DAGLA: variants seen among roughly 807,000 people sequenced by gnomAD.
DAGLA encodes the protein diacylglycerol lipase-alpha.
DAGLA carries 22 observed loss-of-function variants against 102.6 expected under a neutral mutation model. That is an observed-to-expected ratio of 0.21 (90% CI 0.15 to 0.31). DAGLA has a LOEUF of 0.31. Among genes scored for constraint, DAGLA ranks in the 10% least tolerant of loss-of-function variants. The probability of loss-of-function intolerance (pLI) is 1.00; values close to 1 mark genes in which losing one functional copy is unlikely to be tolerated. For missense variants in DAGLA, 927 were observed against 1,446.6 expected (o/e 0.64, Z 5.83); for synonymous variants, 578 against 628.9 (o/e 0.92, Z 1.21).
chr11:61,715,716 C>G (rs1400297770), intron 1 of DAGLA, among the ~76,000 whole-genome samples: 1 of 152,234 alleles, frequency 6.6e-6, no homozygotes, highest in East Asian at 1.9e-4. Context: ...CCTTCCAGAC[C>G]CCAGCACCCA....
chr11:61,704,899 C>T (rs1187821631), intron 1 of DAGLA, among the ~76,000 whole-genome samples: 1 of 152,116 alleles, frequency 6.6e-6, no homozygotes, highest in Non-Finnish European at 1.5e-5. Context: ...TGCCTCAAAC[C>T]CCCTCAAGCA....
At position 61,740,780 on chromosome 11, in the gene DAGLA, A is replaced by G. The variant is rs183275901; in HGVS notation, c.1983+188A>G. On this transcript the variant is annotated intron_variant, in intron 18 of 19. Transcript: ENST00000257215. ...TCACACCCCTGGCTCTGTCCACATC[A>G]CCACGTTGCCCCATGGTGGGGAGGA... Among the ~76,000 whole-genome samples the G allele has an allele frequency of 7.4e-4, 113 of 152,276 alleles. 1 individual carries two copies. Among genetic ancestry groups the G allele is most frequent in the African/African-American group, 2.6e-3 (108 of 41,566 alleles).
intron 1 of DAGLA, among the ~76,000 whole-genome samples, chr11:61,695,453 G>A (rs2065057557): frequency 6.6e-6 from 1 of 152,326 alleles, no homozygotes; most frequent in Admixed American, 6.5e-5. Flanking sequence ...AGGGCCTGCT[G>A]AGTCCAACCC....
chr11:61,719,768 C>T (rs935714895), intron 1 of DAGLA, among the ~76,000 whole-genome samples: 1 of 152,200 alleles, frequency 6.6e-6, no homozygotes, highest in Non-Finnish European at 1.5e-5. Context: ...GGTTTGAGGG[C>T]TGGGCTGAGG....
intron 6 of DAGLA, among the ~76,000 whole-genome samples, chr11:61,727,835 C>T (rs145955665): frequency 2.0e-5 from 3 of 152,320 alleles, no homozygotes; most frequent in African/African-American, 4.8e-5. Context: ...TTGATTCTAG[C>T]GTCTGGGAAA....
chr11:61,704,868 G>T (rs1185387139), intron 1 of DAGLA, among the ~76,000 whole-genome samples: 2 of 152,174 alleles, frequency 1.3e-5, no homozygotes, highest in Admixed American at 1.3e-4. Flanking sequence ...GAAGAGTGGG[G>T]AGCTGAATGT....
chr11:61,713,763 C>T (rs2065212929), intron 1 of DAGLA, among the ~76,000 whole-genome samples: 1 of 152,208 alleles, frequency 6.6e-6, no homozygotes, highest in Non-Finnish European at 1.5e-5. Flanking sequence ...TCCTGCGGGG[C>T]ACCACTGGGG....
At chr11:61,698,691 G>A (rs2065086067) in intron 1 of DAGLA, among the ~76,000 whole-genome samples, 1 of 152,184 alleles carries the variant, frequency 6.6e-6, no homozygotes, top group Non-Finnish European at 1.5e-5. Context: ...CTGGCCCGGG[G>A]GCCTTGTCTG....
chr11:61,717,126 G>A (rs968840531), intron 1 of DAGLA, among the ~76,000 whole-genome samples: 3 of 152,130 alleles, frequency 2.0e-5, no homozygotes, highest in Non-Finnish European at 4.4e-5. Context: ...AGGAGAGCCA[G>A]AAGAGGTGCT....
Position 61,744,555 on chromosome 11 carries a change from G to A in DAGLA, c.*66G>A. The A allele has an allele frequency of 7.2e-7, 1 of 1,383,486 alleles. No homozygotes were observed. The highest frequency in any genetic ancestry group is 9.8e-7 in the Non-Finnish European group (1 of 1,021,102). 85.7% of individuals were successfully genotyped at this position (1,383,486 alleles called of 1,614,324 possible). ...GTGGCCCTGTGGGCACCTGGTGCCT[G>A]CCCCCTGCCGGGCAGCTTTAAGGAC... On this transcript the variant is annotated 3_prime_UTR_variant, in exon 20 of 20. Transcript: ENST00000257215.
chr11:61,726,408 C>G (rs564814307), intron 6 of DAGLA, among the ~76,000 whole-genome samples: 1 of 152,386 alleles, frequency 6.6e-6, no homozygotes, highest in South Asian at 2.1e-4. Context: ...TAGCGTTTCA[C>G]CAGCAGCAAA....
At chr11:61,722,502 C>T (rs2065292616) in intron 3 of DAGLA, among the ~76,000 whole-genome samples, 1 of 152,220 alleles carries the variant, frequency 6.6e-6, no homozygotes, top group South Asian at 2.1e-4. Context: ...AGGAGAATCT[C>T]TTGAACCCAG....
chr11:61,744,097 T>G lies in DAGLA; in HGVS notation c.2737T>G (p.Phe913Val). The G allele has an allele frequency of 6.2e-7, 1 of 1,612,914 alleles. No individual in the cohort carries two copies. The highest frequency in any genetic ancestry group is 8.5e-7 in the Non-Finnish European group (1 of 1,179,972). The change falls in exon 20 of 20, where the codon TTC becomes GTC. Residue 913 changes from phenylalanine (F) to valine (V), a missense_variant. Physicochemically the swap from Phe to Val is conservative, Grantham distance 50. Transcript: ENST00000257215. ...GDSPSPQVLE[F>V]AEFIDSLFNL... ...CTCGCCCAGTCCTCAGGTGCTGGAA[T>G]TCGCCGAGTTCATCGACAGCCTCTT... is the stretch of plus-strand genomic sequence containing the variant.
chr11:61,740,312 A>G (rs745609036), intron 17 of DAGLA, 151 bp from the exon 18 acceptor site: 11 of 1,010,278 alleles, frequency 1.1e-5, no homozygotes, highest in Non-Finnish European at 1.3e-5. Context: ...GAGCCAGGCC[A>G]GGGAACAGAG....
chr11:61,737,119 T>C (rs1395070316), intron 13 of DAGLA, 63 bp from the exon 14 acceptor site: 2 of 1,605,078 alleles, frequency 1.2e-6, no homozygotes, highest in East Asian at 4.5e-5. Flanking sequence ...CTCCCTTGGG[T>C]TGGCTAAGAC....
At position 61,744,294 on chromosome 11, in the gene DAGLA, C is replaced by T. The variant is rs1478475860; in HGVS notation, c.2934C>T (p.Gly978=). The change falls in exon 20 of 20, where the codon GGC becomes GGT. Residue 978 remains glycine, a synonymous_variant. Transcript: ENST00000257215. ...LVPKPPRLFA[G]SADPSSGISL... ...CCAAGCCCCCACGGCTCTTTGCCGG[C>T]TCAGCCGACCCCTCCTCGGGCATCT... The T allele has an allele frequency of 6.2e-7, 1 of 1,612,814 alleles. No individual in the cohort carries two copies. Among genetic ancestry groups the T allele is most frequent in the East Asian group, 2.2e-5 (1 of 44,870 alleles).
chr11:61,717,545 G>C (rs2065245726), intron 1 of DAGLA, among the ~76,000 whole-genome samples: 1 of 152,236 alleles, frequency 6.6e-6, no homozygotes, highest in African/African-American at 2.4e-5. Flanking sequence ...TTAGGAGGTA[G>C]GGATAATCGA....
At chr11:61,691,948 G>T (rs1229696864) in intron 1 of DAGLA, among the ~76,000 whole-genome samples, 1 of 152,202 alleles carries the variant, frequency 6.6e-6, no homozygotes, top group African/African-American at 2.4e-5. Flanking sequence ...TCAGCATCGT[G>T]CTTCTTTGAT....
intron 3 of DAGLA, among the ~76,000 whole-genome samples, chr11:61,722,020 T>C (rs1230944878): frequency 1.3e-5 from 2 of 152,122 alleles, no homozygotes; most frequent in African/African-American, 4.8e-5. Flanking sequence ...TCCATACCCC[T>C]CCCCTCCAGT....
Sources: gnomAD v4.1 joint callset for allele counts (sites outside exome capture counted in the v4.1 genomes callset) on GRCh38, gnomAD v4.1.1 for gene constraint, MANE v1.5 for transcripts, NCBI Gene and HGNC (gene_info 2026-07-23, HGNC 2026-07-21) for gene names.